Variants in RERE observed in about 807,000 individuals in gnomAD.
RERE encodes the protein arginine-glutamic acid dipeptide repeats protein.
RERE carries 40 observed loss-of-function variants against 146.1 expected under a neutral mutation model. The observed-to-expected ratio is 0.27, with a 90% CI of 0.21 to 0.36. The LOEUF (loss-of-function observed/expected upper bound fraction) is 0.36, where lower values mean the gene tolerates loss of function less well. RERE is among the 10% of genes least tolerant of loss of function. RERE has a pLI of 1.00. For missense variants in RERE, 1,933 were observed against 2,138.7 expected (o/e 0.90, Z 1.90); for synonymous variants, 1,003 against 866.0 (o/e 1.16, Z -2.78).
intron 4 of RERE, among the ~76,000 whole-genome samples, chr1:8,601,673 T>A (rs868423512): frequency 0.012 from 134 of 11,402 alleles, no homozygotes; most frequent in African/African-American, 0.043. Context: ...CACACACACA[T>A]CTTCCTTCCA....
intron 1 of RERE, among the ~76,000 whole-genome samples, chr1:8,794,357 CA>C (rs34549021): frequency 0.024 from 962 of 40,570 alleles, 1 homozygote; most frequent in African/African-American, 0.07. Context: ...GACTCCGTCT[CA>C]AAAAAAAAAA....
At chr1:8,404,575 A>G (rs1422338965) in intron 12 of RERE, among the ~76,000 whole-genome samples, 1 of 152,192 alleles carries the variant, frequency 6.6e-6, no homozygotes, top group Non-Finnish European at 1.5e-5. Flanking sequence ...TTAAATTTCA[A>G]ATCACCCTAC....
chr1:8,578,210 G>C (rs549085951), intron 4 of RERE, among the ~76,000 whole-genome samples: 2 of 152,080 alleles, frequency 1.3e-5, no homozygotes, highest in African/African-American at 2.4e-5. Context: ...TCTATGTTTC[G>C]TATTTCCACA....
intron 7 of RERE, among the ~76,000 whole-genome samples, chr1:8,531,007 TTCTA>T (rs199738689): frequency 0.32 from 45,155 of 139,972 alleles, 7,197 homozygotes; most frequent in Middle Eastern, 0.4. Context: ...GAACTGAGTT[TTCTA>T]TCTATCTATC....
intron 1 of RERE, among the ~76,000 whole-genome samples, chr1:8,727,877 A>T (rs923200064): frequency 2.6e-5 from 4 of 152,206 alleles, no homozygotes; most frequent in Non-Finnish European, 4.4e-5. Context: ...TTGCTTATTT[A>T]AAAAAAGTTT....
intron 12 of RERE, among the ~76,000 whole-genome samples, chr1:8,421,713 A>C (rs1643912296): frequency 6.6e-6 from 1 of 152,132 alleles, no homozygotes; most frequent in South Asian, 2.1e-4. Flanking sequence ...ACAACATCCA[A>C]TTAAAAAATT....
intron 8 of RERE, among the ~76,000 whole-genome samples, chr1:8,502,337 G>A (rs1406499263): frequency 1.8e-5 from 2 of 108,380 alleles, no homozygotes; most frequent in East Asian, 3.0e-4. Flanking sequence ...GGAGGGTGGT[G>A]GGGGGGTCAG....
chr1:8,610,422 C>T (rs1402002962), intron 4 of RERE, among the ~76,000 whole-genome samples: 5 of 151,952 alleles, frequency 3.3e-5, no homozygotes, highest in African/African-American at 1.2e-4. Flanking sequence ...AACCCTATCT[C>T]TACTAAAAAT....
intron 11 of RERE, among the ~76,000 whole-genome samples, chr1:8,433,553 CTTTTTTTTTT>C (rs35096712): frequency 7.7e-6 from 1 of 130,216 alleles, no homozygotes; most frequent in Non-Finnish European, 1.6e-5. Context: ...CCATTCATTT[CTTTTTTTTTT>C]TTTTTTTTGA....
intron 1 of RERE, among the ~76,000 whole-genome samples, chr1:8,678,571 G>A (rs1046273748): frequency 1.3e-5 from 2 of 151,976 alleles, no homozygotes; most frequent in Non-Finnish European, 2.9e-5. Flanking sequence ...ATCAGGAACC[G>A]AATCGATTGA....
intron 1 of RERE, among the ~76,000 whole-genome samples, chr1:8,735,977 C>T (rs1040199135): frequency 1.3e-5 from 2 of 152,168 alleles, no homozygotes; most frequent in Admixed American, 6.5e-5. Flanking sequence ...CAACCACTCT[C>T]CTATATTGTT....
chr1:8,784,224 C>T lies in RERE; in HGVS notation c.-145+32936G>A, dbSNP rs1030839706. Among the ~76,000 whole-genome samples, 9 of 152,240 alleles carry T rather than the reference C, an allele frequency of 5.9e-5. No homozygotes were observed. The East Asian group carries it at 1.7e-3, about 29-fold the overall frequency. On this transcript the variant is annotated intron_variant, in intron 1 of 22. Transcript: ENST00000400908. Reference sequence around the variant, plus strand: ...ACGCTGCAGAACTTCACATGGCAAACTCCCACACATTTTAGCCTTTTGCTC... The same window carrying T: ...ACGCTGCAGAACTTCACATGGCAAATTCCCACACATTTTAGCCTTTTGCTC...
intron 1 of RERE, among the ~76,000 whole-genome samples, chr1:8,771,505 C>G (rs1253004063): frequency 7.4e-6 from 1 of 135,066 alleles, no homozygotes; most frequent in Non-Finnish European, 1.5e-5. Context: ...GCCTGGGTGA[C>G]AGAGAGAAAC....
intron 12 of RERE, among the ~76,000 whole-genome samples, chr1:8,377,543 C>T (rs1289634036): frequency 6.6e-6 from 1 of 151,922 alleles, no homozygotes; most frequent in Non-Finnish European, 1.5e-5. Context: ...TTGGTTCTAT[C>T]GCCACCTCAC....
chr1:8,661,433 T>C (rs1638454317), intron 1 of RERE, among the ~76,000 whole-genome samples: 1 of 152,146 alleles, frequency 6.6e-6, no homozygotes, highest in Non-Finnish European at 1.5e-5. Context: ...AATGACACTT[T>C]AGCAGGGATG....
At position 8,524,748 on chromosome 1, in the gene RERE, T is replaced by C. The variant is rs1197088303; in HGVS notation, c.831-16073A>G. ...CTAAATCTTATTCTGACTGGCTCCC[T>C]AAATAAACCACAGTGAAAGCCATCT... is the stretch of plus-strand genomic sequence containing the variant. On this transcript the variant is annotated intron_variant, in intron 7 of 22. Coordinates refer to ENST00000400908, the MANE Select transcript of RERE (RefSeq NM_001042681.2). Among the ~76,000 whole-genome samples the C allele has an allele frequency of 2.0e-5, 3 of 152,208 alleles. No homozygotes were observed. The East Asian group carries it at 5.8e-4, about 29-fold the overall frequency.
chr1:8,707,116 T>C (rs1313184547), intron 1 of RERE, among the ~76,000 whole-genome samples: 3 of 152,156 alleles, frequency 2.0e-5, no homozygotes, highest in Non-Finnish European at 4.4e-5. Context: ...AGCTCTCCGT[T>C]TCCATAACAC....
intron 8 of RERE, among the ~76,000 whole-genome samples, chr1:8,502,459 G>C (rs1645183796): frequency 8.0e-6 from 1 of 125,184 alleles, no homozygotes; most frequent in African/African-American, 3.4e-5. Flanking sequence ...GTCCGGGAGG[G>C]TGGTGGGGGG....
At chr1:8,404,584 A>G (rs1426523512) in intron 12 of RERE, among the ~76,000 whole-genome samples, 1 of 152,136 alleles carries the variant, frequency 6.6e-6, no homozygotes, top group East Asian at 1.9e-4. Flanking sequence ...AAATCACCCT[A>G]CGTTTTTAAA....
Sources: gnomAD v4.1 joint callset for allele counts (sites outside exome capture counted in the v4.1 genomes callset) on GRCh38, gnomAD v4.1.1 for gene constraint, MANE v1.5 for transcripts, NCBI Gene and HGNC (gene_info 2026-07-23, HGNC 2026-07-21) for gene names.